The following HDAC9 variants were observed in gnomAD, a reference collection of about 807,000 sequenced individuals.
HDAC9 encodes MEF-2 interacting transcription repressor (MITR) protein.
A neutral mutation model predicts 139.4 loss-of-function variants in HDAC9; 41 were observed. The ratio of observed to expected loss-of-function variants is 0.29; its 90% confidence interval spans 0.23 to 0.38. HDAC9 has a LOEUF of 0.38. Ranked by LOEUF, HDAC9 falls within the 10% of genes least tolerant of loss-of-function variation. The pLI is 1.00. For missense variants in HDAC9, 1,147 were observed against 1,297.0 expected (o/e 0.88, Z 1.78); for synonymous variants, 517 against 476.2 (o/e 1.09, Z -1.12).
intron 2 of HDAC9, among the ~76,000 whole-genome samples, chr7:18,172,019 G>A (rs1230077544): frequency 6.6e-6 from 1 of 152,168 alleles, no homozygotes; most frequent in Admixed American, 6.5e-5. Flanking sequence ...AGAAGGAATG[G>A]TACCAGTTCC....
At chr7:18,433,678 C>A (rs1790897374) in intron 1 of HDAC9, among the ~76,000 whole-genome samples, 1 of 152,120 alleles carries the variant, frequency 6.6e-6, no homozygotes, top group South Asian at 2.1e-4. Context: ...TAGACACACA[C>A]ACACACCTCC....
chr7:18,196,310 T>G (rs1284419456), intron 2 of HDAC9, among the ~76,000 whole-genome samples: 1 of 152,148 alleles, frequency 6.6e-6, no homozygotes, highest in African/African-American at 2.4e-5. Flanking sequence ...TGATTTTGTT[T>G]AGTTTATGTG....
chr7:18,865,602 C>G (rs1041926478), intron 21 of HDAC9, among the ~76,000 whole-genome samples: 1 of 152,138 alleles, frequency 6.6e-6, no homozygotes, highest in Admixed American at 6.6e-5. Flanking sequence ...AAGGACCCTA[C>G]AGGGCCTGTG....
At chr7:18,143,431 G>A (rs2128111766) in intron 1 of HDAC9, among the ~76,000 whole-genome samples, 1 of 152,298 alleles carries the variant, frequency 6.6e-6, no homozygotes, top group East Asian at 1.9e-4. Flanking sequence ...GGAGGCAGAA[G>A]CTGTTTTTAT....
At chr7:18,107,294 C>G (rs1783283968) in intron 1 of HDAC9, among the ~76,000 whole-genome samples, 1 of 152,086 alleles carries the variant, frequency 6.6e-6, no homozygotes, top group Admixed American at 6.5e-5. Context: ...CTTTGTCTTT[C>G]ATTAAAAAAA....
chr7:18,532,787 C>T (rs1309186658), intron 2 of HDAC9, among the ~76,000 whole-genome samples: 6 of 151,704 alleles, frequency 4.0e-5, no homozygotes, highest in African/African-American at 1.4e-4. Context: ...CACTCCACAG[C>T]AGCAACTACC....
intron 6 of HDAC9, among the ~76,000 whole-genome samples, chr7:18,609,067 T>A (rs1836348861): frequency 6.6e-6 from 1 of 152,194 alleles, no homozygotes; most frequent in Non-Finnish European, 1.5e-5. Context: ...TATTTTAATG[T>A]CATTATATAT....
chr7:18,658,899 C>CAAAAAAAAAAA (rs11306117), intron 11 of HDAC9, among the ~76,000 whole-genome samples: 7 of 118,108 alleles, frequency 5.9e-5, no homozygotes, highest in African/African-American at 8.3e-5. Context: ...AAAAAAAAAG[C>CAAAAAAAAAAA]AAAAAAAAAA....
chr7:18,254,130 C>T (rs1258498958), intron 2 of HDAC9, among the ~76,000 whole-genome samples: 2 of 152,138 alleles, frequency 1.3e-5, no homozygotes, highest in African/African-American at 2.4e-5. Flanking sequence ...TGGCCAAAAA[C>T]ATAACAAACA....
chr7:18,560,599 C>T (rs370810934), intron 2 of HDAC9, among the ~76,000 whole-genome samples: 2 of 152,088 alleles, frequency 1.3e-5, no homozygotes, highest in African/African-American at 2.4e-5. Context: ...GTGGAATATG[C>T]GTTTTTCTCT....
chr7:18,323,262 C>T (rs993166629), intron 1 of HDAC9, among the ~76,000 whole-genome samples: 7 of 152,164 alleles, frequency 4.6e-5, no homozygotes, highest in Admixed American at 1.3e-4. Context: ...TCTAGACCCA[C>T]GACTATTTCT....
chr7:18,185,995 C>T (rs1425922685), intron 2 of HDAC9, among the ~76,000 whole-genome samples: 1 of 152,120 alleles, frequency 6.6e-6, no homozygotes, highest in African/African-American at 2.4e-5. Context: ...CATTGTATTT[C>T]AGGTTCTAAG....
intron 21 of HDAC9, among the ~76,000 whole-genome samples, chr7:18,854,409 T>C (rs187551532): frequency 3.5e-4 from 53 of 152,264 alleles, no homozygotes; most frequent in Admixed American, 2.8e-3. Context: ...TATATTCTTA[T>C]GGGGTTCAAG....
chr7:18,617,951 C>T (rs747470676), intron 6 of HDAC9, among the ~76,000 whole-genome samples: 1 of 152,006 alleles, frequency 6.6e-6, no homozygotes, highest in Non-Finnish European at 1.5e-5. Context: ...CTGGGTAAAT[C>T]AGAAGAAAAC....
intron 21 of HDAC9, among the ~76,000 whole-genome samples, chr7:18,860,556 G>A (rs527807261): frequency 6.6e-6 from 1 of 152,064 alleles, no homozygotes; most frequent in Non-Finnish European, 1.5e-5. Context: ...AGGAAACAAA[G>A]TTAAATACTT....
At chr7:18,881,206 C>T (rs949624217) in intron 22 of HDAC9, among the ~76,000 whole-genome samples, 3 of 152,092 alleles carry the variant, frequency 2.0e-5, no homozygotes, top group African/African-American at 7.2e-5. Flanking sequence ...ATCCCAAGTG[C>T]CTCATGAAGT....
intron 22 of HDAC9, among the ~76,000 whole-genome samples, chr7:18,915,802 A>G (rs1246643066): frequency 6.6e-6 from 1 of 151,836 alleles, no homozygotes; most frequent in African/African-American, 2.4e-5. Flanking sequence ...AACAACAACA[A>G]AATCACTTTT....
intron 23 of HDAC9, among the ~76,000 whole-genome samples, chr7:18,940,599 G>T (rs1433409551): frequency 6.6e-6 from 1 of 152,134 alleles, no homozygotes; most frequent in East Asian, 1.9e-4. Flanking sequence ...GCTTGGAAAG[G>T]CATTAGGGAT....
At chr7:18,994,057 C>T (rs1404668440) in intron 25 of HDAC9, among the ~76,000 whole-genome samples, 1 of 152,168 alleles carries the variant, frequency 6.6e-6, no homozygotes, top group Admixed American at 6.5e-5. Context: ...AGACAGCCTA[C>T]TCACATCCTT....
Sources: gnomAD v4.1 joint callset for allele counts (sites outside exome capture counted in the v4.1 genomes callset) on GRCh38, gnomAD v4.1.1 for gene constraint, MANE v1.5 for transcripts, NCBI Gene and HGNC (gene_info 2026-07-23, HGNC 2026-07-21) for gene names.